The following CECR2 variants were observed in gnomAD, a reference collection of about 807,000 sequenced individuals.
The protein encoded by CECR2 is CECR2 histone acetyl-lysine reader.
Under a neutral mutation model 154.5 loss-of-function variants are expected in CECR2, and 30 were observed. The observed-to-expected ratio is 0.19, with a 90% confidence interval of 0.15 to 0.26. The LOEUF (loss-of-function observed/expected upper bound fraction) is 0.26, where lower values mean the gene tolerates loss of function less well. CECR2 is among the 10% of genes least tolerant of loss of function. The probability of loss-of-function intolerance (pLI) is 1.00; values close to 1 mark genes in which losing one functional copy is unlikely to be tolerated. For synonymous variants in CECR2, 725 were observed against 683.7 expected (o/e 1.06, Z -0.94); for missense variants, 1,743 against 1,829.3 (o/e 0.95, Z 0.86).
intron 8 of CECR2, among the ~76,000 whole-genome samples, chr22:17,522,706 G>T (rs938838815): frequency 1.3e-5 from 2 of 152,118 alleles, no homozygotes; most frequent in African/African-American, 4.8e-5. Context: ...AAATGACATT[G>T]AGAAGTCAAC....
chr22:17,430,234 A>G (rs1601344241), intron 1 of CECR2, among the ~76,000 whole-genome samples: 1 of 152,174 alleles, frequency 6.6e-6, no homozygotes, highest in East Asian at 1.9e-4. Flanking sequence ...ACTTCAGTAC[A>G]GTTCTATATG....
At chr22:17,536,640 C>G (rs569157082) in intron 9 of CECR2, among the ~76,000 whole-genome samples, 3 of 152,136 alleles carry the variant, frequency 2.0e-5, no homozygotes, top group African/African-American at 7.2e-5. Flanking sequence ...CTGGGACGTG[C>G]GTTTAAAATC....
In CECR2 at chr22:17,481,852, C is replaced by T. The variant is rs561992003; in HGVS notation, c.221+4170C>T. The stretch of plus-strand genomic sequence containing the variant: ...CACTTACAGGCCAGGCGTGGTGGCT[C>T]ACGCCTGTAATCCTAGCACTTTGGG... On this transcript the variant is annotated intron_variant, in intron 2 of 18. Coordinates refer to ENST00000262608, the MANE Select transcript of CECR2 (RefSeq NM_001290047.2). Among the ~76,000 whole-genome samples the T allele has an allele frequency of 2.9e-4, 44 of 152,110 alleles. No homozygotes were observed. In the South Asian group the frequency reaches 6.7e-3, roughly 23 times the overall value.
At position 17,449,779 on chromosome 22, in the gene CECR2, A is replaced by G. The variant is rs143492661; in HGVS notation, c.127-27809A>G. Among the ~76,000 whole-genome samples the G allele has an allele frequency of 5.3e-4, 81 of 152,060 alleles. 1 individual carries two copies. Among genetic ancestry groups the G allele is most frequent in the African/African-American group, 1.9e-3 (79 of 41,504 alleles). The stretch of plus-strand genomic sequence containing the variant: ...GCTGGGATTACAGGCGTGAGCCACC[A>G]CGCCCAGCCCAACCAATTCTTATTT... On this transcript the variant is annotated intron_variant, in intron 1 of 18. Transcript: ENST00000262608.
intron 1 of CECR2, among the ~76,000 whole-genome samples, chr22:17,384,806 C>G (rs2063239853): frequency 6.6e-6 from 1 of 152,158 alleles, no homozygotes; most frequent in South Asian, 2.1e-4. Context: ...GGGGCATTGA[C>G]TTCTCCTCTC....
rs745683899 is a variant in CECR2 at position 17,548,802 on chromosome 22, G to A, written c.3515G>A (p.Gly1172Asp). 22 of 1,613,592 alleles carry A rather than the reference G, an allele frequency of 1.4e-5. No individual in the cohort carries two copies. The highest frequency in any genetic ancestry group is 1.8e-5 in the Non-Finnish European group (21 of 1,179,860). The change falls in exon 17 of 19, where the codon GGC becomes GAC. Residue 1172 changes from glycine to aspartate, a missense_variant. Coordinates refer to ENST00000262608, the MANE Select transcript of CECR2 (RefSeq NM_001290047.2). Reference sequence around the variant, plus strand: ...CAGTCTAACCACCCACATTCTGGAGGCTTTCCCCGGTATCGCCCCCCACAA... The same window carrying A: ...CAGTCTAACCACCCACATTCTGGAGACTTTCCCCGGTATCGCCCCCCACAA... ...GFQSNHPHSG[G>D]FPRYRPPQGM... is the part of the protein sequence containing the mutation.
chr22:17,510,984 C>G (rs2055939528), intron 7 of CECR2, among the ~76,000 whole-genome samples: 1 of 152,148 alleles, frequency 6.6e-6, no homozygotes, highest in Admixed American at 6.6e-5. Context: ...GTTGTATAAA[C>G]CACCCCTTCT....
At chr22:17,400,311 T>C (rs1359502124) in intron 1 of CECR2, among the ~76,000 whole-genome samples, 3 of 152,234 alleles carry the variant, frequency 2.0e-5, no homozygotes, top group Non-Finnish European at 2.9e-5. Flanking sequence ...GTTTGTATTT[T>C]AAAAACAAAG....
chr22:17,546,198 T>C (rs1218992291), intron 16 of CECR2, among the ~76,000 whole-genome samples: 3 of 152,100 alleles, frequency 2.0e-5, no homozygotes, highest in Non-Finnish European at 2.9e-5. Flanking sequence ...TTTACAAGAA[T>C]CCTGTTTAGG....
In CECR2 at chr22:17,552,966, G is replaced by C; in HGVS notation, c.*126G>C. On this transcript the variant is annotated 3_prime_UTR_variant, in exon 19 of 19. Transcript: ENST00000262608. ...TCCACCCCTTCACGGCGACCCACTCGTGCCATACTTGAGCTGGAGCCAGTC... is the reference window on the plus strand; with the variant it reads ...TCCACCCCTTCACGGCGACCCACTCCTGCCATACTTGAGCTGGAGCCAGTC... The C allele has an allele frequency of 6.7e-7, 1 of 1,494,592 alleles. No individual in the cohort carries two copies. The highest frequency in any genetic ancestry group is 8.9e-7 in the Non-Finnish European group (1 of 1,124,438). 92.6% of individuals were successfully genotyped at this position (1,494,592 alleles called of 1,614,324 possible). A position where few individuals can be genotyped will look rare whatever the true frequency, so the allele number is the denominator to read the frequency against.
chr22:17,491,629 T>C (rs927090401), intron 2 of CECR2, among the ~76,000 whole-genome samples: 13 of 151,036 alleles, frequency 8.6e-5, no homozygotes, highest in Middle Eastern at 3.4e-3. Context: ...TATATATCCT[T>C]AAATTTTATC....
intron 1 of CECR2, among the ~76,000 whole-genome samples, chr22:17,382,190 A>T (rs974417205): frequency 6.6e-6 from 1 of 152,058 alleles, no homozygotes; most frequent in African/African-American, 2.4e-5. Flanking sequence ...GTGCCCGGCC[A>T]GAGAGCCCCT....
chr22:17,553,182 A>C lies in CECR2; in HGVS notation c.*342A>C. 8.3e-6 allele frequency: 2 copies of C among 240,512 alleles called. No individual in the cohort carries two copies. Among genetic ancestry groups the C allele is most frequent in the Non-Finnish European group, 1.6e-5 (2 of 127,164 alleles). 14.9% of individuals were successfully genotyped at this position (240,512 alleles called of 1,614,324 possible). A position where few individuals can be genotyped will look rare whatever the true frequency, so the allele number is the denominator to read the frequency against. ...TAAACTTGGGGGAGGGGGTATACTC[A>C]AGAATGGAGTGGTGCTTTTAAACTT... On this transcript the variant is annotated 3_prime_UTR_variant, in exon 19 of 19. Coordinates refer to ENST00000262608, the MANE Select transcript of CECR2 (RefSeq NM_001290047.2).
intron 1 of CECR2, among the ~76,000 whole-genome samples, chr22:17,443,958 G>T (rs1001369268): frequency 1.2e-4 from 18 of 152,272 alleles, no homozygotes; most frequent in African/African-American, 4.3e-4. Flanking sequence ...CTAAAGGCAA[G>T]GTTGTTTAGA....
In CECR2 at chr22:17,540,786, T is replaced by A; in HGVS notation, c.1870T>A (p.Phe624Ile). ...HCGGTPSQAP[F>I]LNQMRPAVPG... ...TGGTGGGACACCCAGCCAGGCACCCTTTTTAAACCAGATGGTAAGGAATAG... is the reference window on the plus strand; with the variant it reads ...TGGTGGGACACCCAGCCAGGCACCCATTTTAAACCAGATGGTAAGGAATAG... Residue 624 changes from phenylalanine to isoleucine, a missense_variant, in exon 14 of 19, where the codon TTT (phenylalanine) becomes ATT (isoleucine). Phe to Ile is a conservative substitution (Grantham distance 21). This residue lies in a region of CECR2 where 1,250 missense variants were observed against 1,192.1 expected (regional missense o/e 1.05). Coordinates refer to ENST00000262608, the MANE Select transcript of CECR2 (RefSeq NM_001290047.2). The A allele has an allele frequency of 6.4e-7, 1 of 1,572,610 alleles. No individual in the cohort carries two copies. The highest frequency in any genetic ancestry group is 8.6e-7 in the Non-Finnish European group (1 of 1,159,036).
At position 17,542,930 on chromosome 22, in the gene CECR2, C is replaced by A; in HGVS notation, c.2787C>A (p.Ala929=). The A allele has an allele frequency of 1.9e-6, 3 of 1,613,946 alleles. No individual in the cohort carries two copies. Among genetic ancestry groups the A allele is most frequent in the South Asian group, 2.2e-5 (2 of 91,080 alleles). ...ACCCAATGTCAGTCACTGTGTCAGC[C>A]CCCAAGCCTGCCCTGGGCAACCCTG... ...VAHPMSVTVS[A]PKPALGNPGR... The change falls in exon 16 of 19, where the codon GCC becomes GCA. Residue 929 remains alanine (A), a synonymous_variant. Coordinates refer to ENST00000262608, the MANE Select transcript of CECR2 (RefSeq NM_001290047.2).
intron 1 of CECR2, among the ~76,000 whole-genome samples, chr22:17,452,137 A>T (rs543575809): frequency 2.6e-5 from 4 of 152,300 alleles, no homozygotes; most frequent in African/African-American, 9.6e-5. Context: ...CAGTGGCACA[A>T]TCTCTGCTCA....
At chr22:17,547,727 C>T (rs1555934040) in intron 16 of CECR2, among the ~76,000 whole-genome samples, 1 of 152,180 alleles carries the variant, frequency 6.6e-6, no homozygotes, top group Non-Finnish European at 1.5e-5. Flanking sequence ...GAGCGCCCGT[C>T]ATGCCCTGTT....
intron 1 of CECR2, among the ~76,000 whole-genome samples, chr22:17,389,684 G>GT (rs2063305828): frequency 6.6e-6 from 1 of 152,006 alleles, no homozygotes; most frequent in African/African-American, 2.4e-5. Context: ...CTGGAGTTCA[G>GT]TGGCACGATC....
Sources: gnomAD v4.1 joint callset for allele counts (sites outside exome capture counted in the v4.1 genomes callset) on GRCh38, gnomAD v4.1.1 for gene constraint, gnomAD v4.1.1 regional missense constraint, MANE v1.5 for transcripts, NCBI Gene and HGNC (gene_info 2026-07-23, HGNC 2026-07-21) for gene names.